CFAP91: variants seen among roughly 807,000 people sequenced by gnomAD.
CFAP91 encodes the protein cilia and flagella associated protein 91.
In CFAP91, 85 loss-of-function variants were observed where a neutral mutation model predicts 95.9. The ratio of observed to expected loss-of-function variants is 0.89; its 90% CI spans 0.74 to 1.06. The LOEUF (loss-of-function observed/expected upper bound fraction) is 1.06. Among genes scored for constraint, CFAP91 ranks in the 50% least tolerant of loss-of-function variants. CFAP91 has a pLI of 0.00. For missense variants in CFAP91, 962 were observed against 943.4 expected, an observed-to-expected ratio of 1.02 and a Z score of -0.26; for synonymous variants, 335 against 327.5, an observed-to-expected ratio of 1.02 and a Z score of -0.25.
chr3:119,733,689 A>G (rs929529760), intron 10 of CFAP91, among the ~76,000 whole-genome samples, 183 bp downstream of exon 10: 13 of 152,178 alleles, frequency 8.5e-5, no homozygotes, highest in East Asian at 1.9e-4. Context: ...TTCACATTTC[A>G]GGAGACTTCT....
intron 6 of CFAP91, 64 bp downstream of exon 6, chr3:119,715,807 A>T (rs764498858): frequency 2.8e-6 from 4 of 1,450,164 alleles, no homozygotes; most frequent in African/African-American, 1.4e-5. Flanking sequence ...ATGCTGTTCA[A>T]ATGGCCCATG....
At chr3:119,724,746 T>G (rs897465915) in intron 6 of CFAP91, among the ~76,000 whole-genome samples, 22 of 148,656 alleles carry the variant, frequency 1.5e-4, no homozygotes, top group Admixed American at 8.6e-4. Context: ...TATTTTATTT[T>G]TATTTATTTA....
intron 7 of CFAP91, among the ~76,000 whole-genome samples, chr3:119,726,878 C>T (rs1323822505): frequency 6.9e-6 from 1 of 144,314 alleles, no homozygotes; most frequent in Non-Finnish European, 1.5e-5. Flanking sequence ...CTAGCTAGAG[C>T]TGATGGGGCA....
At chr3:119,747,698 G>A (rs1454477155) in intron 15 of CFAP91, 113 bp from the exon 16 acceptor site, 7 of 841,602 alleles carry the variant, frequency 8.3e-6, no homozygotes, top group Non-Finnish European at 1.1e-5. Flanking sequence ...ACTTAATCAA[G>A]GAAAAGGTGA....
intron 14 of CFAP91, 148 bp from the exon 15 acceptor site, chr3:119,746,967 C>T (rs1020095522): frequency 1.6e-5 from 9 of 575,466 alleles, no homozygotes; most frequent in Non-Finnish European, 2.3e-5. Context: ...TGATGAGATG[C>T]TAAAGAAAAT....
rs1179235466 is a variant in CFAP91, at chr3:119,708,572, T to C, written c.360-19T>C. ...GGAAATATTTTAGACTTGAATAATG[T>C]TTTCTTGCTTCATTTTAGAACTGAC... On this transcript the variant is annotated intron_variant, in intron 3 of 17. Coordinates refer to ENST00000273390, the MANE Select transcript of CFAP91 (RefSeq NM_033364.4). 6.6e-7 allele frequency: 1 copy of C among 1,526,416 alleles called. No homozygotes were observed. The highest frequency in any genetic ancestry group is 1.8e-5 in the Admixed American group (1 of 56,448). The allele number at this position is 1,526,416 out of a possible 1,614,324, so 94.6% of individuals were successfully genotyped here.
chr3:119,715,208 A>C (rs2053550146), intron 5 of CFAP91, among the ~76,000 whole-genome samples: 1 of 152,214 alleles, frequency 6.6e-6, no homozygotes, highest in African/African-American at 2.4e-5. Flanking sequence ...AACAAAGAAG[A>C]AAGAAACCAG....
At chr3:119,710,968 C>G (rs1445193782) in intron 5 of CFAP91, among the ~76,000 whole-genome samples, 1 of 152,080 alleles carries the variant, frequency 6.6e-6, no homozygotes, top group African/African-American at 2.4e-5. Context: ...TTTAATATTT[C>G]TGTAAGAGAA....
chr3:119,703,584 ACT>A (rs2053301357), intron 1 of CFAP91, among the ~76,000 whole-genome samples: 1 of 151,694 alleles, frequency 6.6e-6, no homozygotes, highest in Non-Finnish European at 1.5e-5. Flanking sequence ...TTTCTCTCCA[ACT>A]CTCTGGGCAA....
intron 9 of CFAP91, 112 bp downstream of exon 9, chr3:119,732,588 C>A: frequency 1.3e-6 from 1 of 756,666 alleles, no homozygotes. Flanking sequence ...AAAATATTTG[C>A]AATAAACACT....
intron 6 of CFAP91, among the ~76,000 whole-genome samples, chr3:119,720,895 GTTA>G (rs1467047051): frequency 2.6e-5 from 4 of 152,042 alleles, no homozygotes; most frequent in Non-Finnish European, 5.9e-5. Context: ...TACATAAATA[GTTA>G]TTATACTGTA....
In CFAP91 at chr3:119,709,892, C is replaced by A. The variant is rs1324936642; in HGVS notation, c.497C>A (p.Ser166Tyr). 1 of 1,605,502 alleles carries A rather than the reference C, an allele frequency of 6.2e-7. No homozygotes were observed. Among genetic ancestry groups the A allele is most frequent in the Admixed American group, 1.7e-5 (1 of 59,972 alleles). The change falls in exon 5 of 18, where the codon TCC (serine) becomes TAC (tyrosine). Residue 166 changes from serine to tyrosine, a missense_variant. Transcript: ENST00000273390. Reference sequence around the variant, plus strand: ...CCATTCAATGTTGTTTATGCCGTATCCAAGTAAGTAACCATTATTTGAAAA... The same window carrying A: ...CCATTCAATGTTGTTTATGCCGTATACAAGTAAGTAACCATTATTTGAAAA... ...QMPFNVVYAV[S>Y]KAEPYTFPPT...
chr3:119,766,401 TC>T lies in CFAP91; in HGVS notation c.*1356del, dbSNP rs1417476655. Reference sequence around the variant, plus strand: ...AAACTAGGATTGGGACACCTTTTTTTCCCCCTGAGGATCACTGACAAAAAAC... The same window carrying T: ...AAACTAGGATTGGGACACCTTTTTTTCCCCTGAGGATCACTGACAAAAAAC... On this transcript the variant is annotated 3_prime_UTR_variant, in exon 18 of 18. Transcript: ENST00000273390. The T allele has an allele frequency of 6.6e-6, 1 of 152,158 alleles. No homozygotes were observed. Among genetic ancestry groups the T allele is most frequent in the Non-Finnish European group, 1.5e-5 (1 of 68,022 alleles). The allele number at this position is 152,158 out of a possible 1,614,324, so 9.4% of individuals were successfully genotyped here. A position where few individuals can be genotyped will look rare whatever the true frequency, so the allele number is the denominator to read the frequency against.
At chr3:119,715,372 A>G in intron 5 of CFAP91, 190 bp from the exon 6 acceptor site, 1 of 703,078 alleles carries the variant, frequency 1.4e-6, no homozygotes, top group Non-Finnish European at 2.6e-6. Context: ...CAGAGGTGAG[A>G]ATAACAAGGC....
intron 10 of CFAP91, among the ~76,000 whole-genome samples, chr3:119,735,129 G>A (rs1373340045): frequency 2.0e-5 from 3 of 151,680 alleles, no homozygotes; most frequent in African/African-American, 4.8e-5. Context: ...GTTTATTTAT[G>A]CCTTAACTCT....
At chr3:119,739,370 T>A (rs1264994031) in intron 12 of CFAP91, 44 bp downstream of exon 12, 7 of 1,571,914 alleles carry the variant, frequency 4.5e-6, no homozygotes, top group African/African-American at 1.4e-5. Flanking sequence ...CTTTTGAGAA[T>A]AAATTTTTTA....
In CFAP91 at chr3:119,739,300, C is replaced by T. The variant is rs905502248; in HGVS notation, c.1507C>T (p.Leu503Phe). ...EMAVIYLQKL[L>F]RGRVVQNMMF... ...GGCTGTGATCTACCTTCAAAAGTTA[C>T]TCCGGGGCAGAGTCGTTCAGAACAT... The change falls in exon 12 of 18, where the codon CTC (leucine) becomes TTC (phenylalanine). Residue 503 changes from leucine (L) to phenylalanine (F), a missense_variant. By Grantham distance (22) the Leu-to-Phe change is conservative. Transcript: ENST00000273390. The T allele has an allele frequency of 6.2e-7, 1 of 1,614,148 alleles. No homozygotes were observed. Among genetic ancestry groups the T allele is most frequent in the East Asian group, 2.2e-5 (1 of 44,888 alleles).
chr3:119,744,323 C>A, intron 14 of CFAP91, 127 bp downstream of exon 14: 1 of 698,086 alleles, frequency 1.4e-6, no homozygotes, highest in Non-Finnish European at 2.4e-6. Flanking sequence ...ATGCCAGGCA[C>A]TCTACAGAGG....
chr3:119,757,304 T>A (rs2054450092), intron 17 of CFAP91, among the ~76,000 whole-genome samples: 1 of 152,176 alleles, frequency 6.6e-6, no homozygotes, highest in Non-Finnish European at 1.5e-5. Context: ...GAAATTTTAA[T>A]CTTTATCAGG....
Sources: gnomAD v4.1 joint callset for allele counts (sites outside exome capture counted in the v4.1 genomes callset) on GRCh38, gnomAD v4.1.1 for gene constraint, MANE v1.5 for transcripts, NCBI Gene and HGNC (gene_info 2026-07-23, HGNC 2026-07-21) for gene names.